Variants in DTNBP1 observed in about 807,000 individuals in gnomAD.
DTNBP1 encodes dystrobrevin binding protein 1, also known as dysbindin.
A neutral mutation model predicts 42.8 loss-of-function variants in DTNBP1; 35 were observed. That is an observed-to-expected ratio of 0.82 (90% confidence interval 0.63 to 1.09). The LOEUF (loss-of-function observed/expected upper bound fraction) is 1.09, where lower values mean the gene tolerates loss of function less well. Among genes scored for constraint, DTNBP1 ranks in the 50% least tolerant of loss-of-function variants. DTNBP1 has a pLI of 0.00. For missense variants in DTNBP1, 457 were observed against 424.2 expected (o/e 1.08, Z -0.68); for synonymous variants, 171 against 162.2 (o/e 1.05, Z -0.41).
chr6:15,609,236 T>G (rs1758256207), intron 6 of DTNBP1, among the ~76,000 whole-genome samples: 1 of 152,118 alleles, frequency 6.6e-6, no homozygotes, highest in Non-Finnish European at 1.5e-5. Flanking sequence ...CTTGTTCCTT[T>G]TCTACAGCAT....
At chr6:15,526,579 C>T (rs559414145) in intron 8 of DTNBP1, among the ~76,000 whole-genome samples, 9 of 152,190 alleles carry the variant, frequency 5.9e-5, no homozygotes, top group Admixed American at 2.0e-4. Context: ...TGCTCTGCCT[C>T]GGACTTGGCC....
chr6:15,523,775 A>G, intron 9 of DTNBP1: 1 of 1,287,222 alleles, frequency 7.8e-7, no homozygotes, highest in African/African-American at 1.5e-5. Flanking sequence ...TCTCAGGATG[A>G]GGGCAAATGC....
intron 1 of DTNBP1, among the ~76,000 whole-genome samples, chr6:15,657,866 T>C (rs191686312): frequency 4.6e-5 from 7 of 152,370 alleles, no homozygotes; most frequent in South Asian, 2.1e-4. Flanking sequence ...ACTGCTTCCA[T>C]CTCTGAAATG....
intron 3 of DTNBP1, among the ~76,000 whole-genome samples, chr6:15,647,525 A>C (rs1233656038): frequency 6.6e-6 from 1 of 151,838 alleles, no homozygotes; most frequent in Non-Finnish European, 1.5e-5. Context: ...ACCAATTTAA[A>C]TTATCAAAAT....
chr6:15,635,959 C>T (rs1469445183), intron 4 of DTNBP1, among the ~76,000 whole-genome samples: 1 of 152,146 alleles, frequency 6.6e-6, no homozygotes, highest in South Asian at 2.1e-4. Context: ...ATCTACAGTC[C>T]TTTATGGGTC....
rs535855788 is a variant in DTNBP1 at position 15,615,514 on chromosome 6, A to T, written c.356-115T>A. 9 of 1,384,274 alleles carry T rather than the reference A, an allele frequency of 6.5e-6. No homozygotes were observed. The South Asian group carries it at 1.1e-4, about 17-fold the overall frequency. The allele number at this position is 1,384,274 out of a possible 1,614,324, so 85.7% of individuals were successfully genotyped here. On this transcript the variant is annotated intron_variant, in intron 5 of 9. Transcript: ENST00000344537. The stretch of plus-strand genomic sequence containing the variant: ...TTGTTGAGATTGTTTTGCATTTTTA[A>T]TGTTTTTTATTAAACTTTCTTGAAG...
Position 15,634,362 on chromosome 6 carries a change from C to G in DTNBP1, c.222+3382G>C, listed in dbSNP as rs531199609. Among the ~76,000 whole-genome samples the G allele has an allele frequency of 9.1e-4, 139 of 152,200 alleles. 1 individual carries two copies. Among genetic ancestry groups the G allele is most frequent in the Admixed American group, 1.6e-3 (24 of 15,284 alleles). On this transcript the variant is annotated intron_variant, in intron 4 of 9. Transcript: ENST00000344537. ...AACAGAGTCTTGCTCTGTTACCCAGCCTAGAGTGCGGTGGCTCAATCTCAG... is the reference window on the plus strand; with the variant it reads ...AACAGAGTCTTGCTCTGTTACCCAGGCTAGAGTGCGGTGGCTCAATCTCAG...
intron 4 of DTNBP1, among the ~76,000 whole-genome samples, chr6:15,636,237 G>C (rs1276135965): frequency 6.8e-6 from 1 of 147,066 alleles, no homozygotes; most frequent in Non-Finnish European, 1.5e-5. Flanking sequence ...CGTAACCTCC[G>C]CCTCCCAGGT....
At chr6:15,530,179 T>G (rs1772718697) in intron 8 of DTNBP1, among the ~76,000 whole-genome samples, 1 of 152,258 alleles carries the variant, frequency 6.6e-6, no homozygotes, top group Admixed American at 6.5e-5. Flanking sequence ...TGATTGATTC[T>G]CCTAAATTAA....
chr6:15,590,965 A>T (rs1218998607), intron 7 of DTNBP1, among the ~76,000 whole-genome samples: 2 of 152,204 alleles, frequency 1.3e-5, no homozygotes, highest in Admixed American at 1.3e-4. Flanking sequence ...AACACCTTTT[A>T]TTTTCCTGCA....
intron 6 of DTNBP1, among the ~76,000 whole-genome samples, chr6:15,594,189 G>A (rs1036340183): frequency 5.3e-5 from 8 of 152,184 alleles, no homozygotes; most frequent in African/African-American, 1.4e-4. Context: ...GTGGCTGGGC[G>A]TGGTGGCTCA....
intron 6 of DTNBP1, among the ~76,000 whole-genome samples, chr6:15,611,152 C>T (rs890840581): frequency 6.6e-6 from 1 of 152,152 alleles, no homozygotes; most frequent in Admixed American, 6.5e-5. Context: ...AAGCTGAAGC[C>T]AATGCCTCAT....
At chr6:15,548,727 A>C (rs1317165906) in intron 7 of DTNBP1, among the ~76,000 whole-genome samples, 1 of 152,220 alleles carries the variant, frequency 6.6e-6, no homozygotes, top group Non-Finnish European at 1.5e-5. Context: ...AACTCATATA[A>C]AGAAATTTTG....
At chr6:15,613,360 T>C (rs112709263) in intron 6 of DTNBP1, among the ~76,000 whole-genome samples, 17,473 of 22,986 alleles carry the variant, frequency 0.76, 6,743 homozygotes, top group Middle Eastern at 0.96. Context: ...GGACCCCATT[T>C]TTTTTTTTTT....
At chr6:15,566,752 G>C (rs1775109410) in intron 7 of DTNBP1, among the ~76,000 whole-genome samples, 1 of 143,236 alleles carries the variant, frequency 7.0e-6, no homozygotes, top group Non-Finnish European at 1.5e-5. Context: ...TCAGGATTGA[G>C]TGCAGTGGCA....
chr6:15,596,258 T>G (rs1486710384), intron 6 of DTNBP1, among the ~76,000 whole-genome samples: 2 of 152,140 alleles, frequency 1.3e-5, no homozygotes, highest in Non-Finnish European at 2.9e-5. Context: ...TGGAGGGCAA[T>G]GCATGAGTTC....
intron 7 of DTNBP1, among the ~76,000 whole-genome samples, chr6:15,586,253 A>G (rs545274262): frequency 6.6e-6 from 1 of 152,342 alleles, no homozygotes; most frequent in African/African-American, 2.4e-5. Flanking sequence ...TTAATGTAGC[A>G]TTAGCCTAAA....
intron 5 of DTNBP1, among the ~76,000 whole-genome samples, chr6:15,621,126 C>T (rs1759018473): frequency 6.6e-6 from 1 of 152,162 alleles, no homozygotes; most frequent in South Asian, 2.1e-4. Flanking sequence ...TACAAACTTA[C>T]ACACCTATAA....
chr6:15,608,794 G>C (rs1483663070), intron 6 of DTNBP1, among the ~76,000 whole-genome samples: 1 of 152,186 alleles, frequency 6.6e-6, no homozygotes, highest in Non-Finnish European at 1.5e-5. Context: ...AAAAGTTGAT[G>C]TTCCTTTTGA....
Sources: gnomAD v4.1 joint callset for allele counts (sites outside exome capture counted in the v4.1 genomes callset) on GRCh38, gnomAD v4.1.1 for gene constraint, MANE v1.5 for transcripts, NCBI Gene and HGNC (gene_info 2026-07-23, HGNC 2026-07-21) for gene names.